The following CSMD1 variants were observed in gnomAD, a reference collection of about 807,000 sequenced individuals.
The protein encoded by CSMD1 is CUB and Sushi multiple domains 1.
A neutral mutation model predicts 417.5 loss-of-function variants in CSMD1; 213 were observed. That is an observed-to-expected ratio of 0.51 (90% confidence interval 0.46 to 0.57). CSMD1 has a LOEUF of 0.57. Ranked by LOEUF, CSMD1 falls within the 20% of genes least tolerant of loss-of-function variation. CSMD1 has a pLI of 0.00. For synonymous variants in CSMD1, 2,862 were observed against 1,736.8 expected (o/e 1.65, Z -16.11); for missense variants, 6,923 against 4,529.7 (o/e 1.53, Z -15.17).
intron 2 of CSMD1, among the ~76,000 whole-genome samples, chr8:4,449,883 C>A (rs1400238784): frequency 3.3e-5 from 5 of 152,174 alleles, no homozygotes; most frequent in Non-Finnish European, 7.3e-5. Flanking sequence ...TTAGCAATCT[C>A]AACCTCCATA....
At chr8:4,233,803 T>A (rs575555363) in intron 3 of CSMD1, among the ~76,000 whole-genome samples, 1 of 152,126 alleles carries the variant, frequency 6.6e-6, no homozygotes, top group South Asian at 2.1e-4. Flanking sequence ...CTTTAGGATA[T>A]TTCATGAAAT....
At chr8:4,082,215 T>G (rs374447944) in intron 3 of CSMD1, among the ~76,000 whole-genome samples, 1 of 152,146 alleles carries the variant, frequency 6.6e-6, no homozygotes, top group African/African-American at 2.4e-5. Flanking sequence ...CCCAAAATTA[T>G]GACCACACAG....
At chr8:4,855,106 C>T (rs1288363232) in intron 1 of CSMD1, among the ~76,000 whole-genome samples, 2 of 151,890 alleles carry the variant, frequency 1.3e-5, no homozygotes, top group African/African-American at 2.4e-5. Context: ...GTCCCTGACC[C>T]CTGACCCCCG....
intron 1 of CSMD1, among the ~76,000 whole-genome samples, chr8:4,984,565 C>T (rs963304011): frequency 1.3e-5 from 2 of 152,220 alleles, no homozygotes; most frequent in African/African-American, 4.8e-5. Flanking sequence ...TCCTCAACAT[C>T]CTCATCTTCA....
intron 54 of CSMD1, among the ~76,000 whole-genome samples, chr8:2,996,451 T>C (rs148639430): frequency 6.6e-6 from 1 of 152,372 alleles, no homozygotes; most frequent in African/African-American, 2.4e-5. Context: ...ATATTGCTAA[T>C]GCACGCACAC....
At chr8:3,315,438 G>GTGTGTGTA in intron 23 of CSMD1, among the ~76,000 whole-genome samples, 2 of 69,088 alleles carry the variant, frequency 2.9e-5, no homozygotes, top group South Asian at 1.3e-3. Flanking sequence ...GGTGAAGTGA[G>GTGTGTGTA]TGTGTGTGTG....
At chr8:3,743,960 G>A (rs755778721) in intron 6 of CSMD1, among the ~76,000 whole-genome samples, 4 of 152,140 alleles carry the variant, frequency 2.6e-5, no homozygotes, top group African/African-American at 4.8e-5. Context: ...CCCAGACAGA[G>A]GCATGAATGA....
intron 3 of CSMD1, among the ~76,000 whole-genome samples, chr8:4,056,860 T>C (rs1049215240): frequency 6.6e-6 from 1 of 152,234 alleles, no homozygotes; most frequent in Non-Finnish European, 1.5e-5. Flanking sequence ...ACAAAGGACA[T>C]GAAGTCATCA....
intron 5 of CSMD1, among the ~76,000 whole-genome samples, chr8:3,932,556 T>C (rs949982634): frequency 4.0e-5 from 6 of 150,680 alleles, no homozygotes; most frequent in African/African-American, 1.5e-4. Context: ...TAAAGTTCAA[T>C]GCATTGCAGT....
chr8:4,461,966 C>T (rs531679631), intron 2 of CSMD1, among the ~76,000 whole-genome samples: 47 of 152,168 alleles, frequency 3.1e-4, no homozygotes, highest in African/African-American at 1.0e-3. Flanking sequence ...TGGGCTCTAT[C>T]TCCCGACCTC....
chr8:4,465,632 G>C (rs796674402), intron 2 of CSMD1, among the ~76,000 whole-genome samples: 6 of 152,248 alleles, frequency 3.9e-5, no homozygotes, highest in African/African-American at 1.4e-4. Flanking sequence ...GGCCTCAGTA[G>C]AACAAGATTT....
At chr8:3,715,701 C>G (rs1305283015) in intron 6 of CSMD1, among the ~76,000 whole-genome samples, 2 of 152,098 alleles carry the variant, frequency 1.3e-5, no homozygotes, top group Non-Finnish European at 2.9e-5. Flanking sequence ...TGCCACCAAA[C>G]CCACCTATTT....
intron 2 of CSMD1, among the ~76,000 whole-genome samples, chr8:4,458,217 G>T (rs12675730): frequency 6.6e-6 from 1 of 152,070 alleles, no homozygotes; most frequent in Non-Finnish European, 1.5e-5. Context: ...AAGAAATATG[G>T]AACTTATAAT....
intron 3 of CSMD1, among the ~76,000 whole-genome samples, chr8:4,321,230 G>A (rs113660634): frequency 0.014 from 2,160 of 152,164 alleles, 42 homozygotes; most frequent in African/African-American, 0.049. Context: ...TTCATGAGGC[G>A]TGCCTACAGC....
intron 1 of CSMD1, among the ~76,000 whole-genome samples, chr8:4,945,666 G>C (rs749087231): frequency 6.6e-6 from 1 of 152,156 alleles, no homozygotes; most frequent in Admixed American, 6.5e-5. Context: ...TGGGAAAGGA[G>C]ACTTTTTTCA....
At chr8:4,383,162 C>T (rs535349424) in intron 3 of CSMD1, among the ~76,000 whole-genome samples, 4 of 152,248 alleles carry the variant, frequency 2.6e-5, no homozygotes, top group African/African-American at 9.6e-5. Context: ...AAATTTCTCA[C>T]CTTAGCTCCA....
Position 4,829,809 on chromosome 8 carries a change from A to C in CSMD1, c.85+164523T>G, listed in dbSNP as rs1800043573. Among the ~76,000 whole-genome samples, 9 of 152,162 alleles carry C rather than the reference A, an allele frequency of 5.9e-5. No individual in the cohort carries two copies. In the South Asian group the frequency reaches 1.9e-3, roughly 32 times the overall value. ...CACCCACCTAGTTAATGGTCTAAAGAACAGCAAGAAGCAGTCAGTGATCGC... is the reference window on the plus strand; with the variant it reads ...CACCCACCTAGTTAATGGTCTAAAGCACAGCAAGAAGCAGTCAGTGATCGC... On this transcript the variant is annotated intron_variant, in intron 1 of 69. Transcript: ENST00000635120.
At chr8:4,629,546 G>A (rs185052287) in intron 2 of CSMD1, among the ~76,000 whole-genome samples, 172 of 152,274 alleles carry the variant, frequency 1.1e-3, no homozygotes, top group African/African-American at 4.0e-3. Context: ...ATACTTATTA[G>A]AAATATTTTA....
chr8:4,567,271 G>A (rs992019564), intron 2 of CSMD1, among the ~76,000 whole-genome samples: 2 of 152,114 alleles, frequency 1.3e-5, no homozygotes, highest in African/African-American at 4.8e-5. Context: ...CAATTGTAAC[G>A]ATTGTGTTAT....
Sources: allele counts gnomAD v4.1 joint callset (sites outside exome capture counted in the v4.1 genomes callset), GRCh38; gene constraint gnomAD v4.1.1; transcripts MANE v1.5; gene names NCBI Gene and HGNC (gene_info 2026-07-23, HGNC 2026-07-21).